ZDHHC13: variants seen among roughly 807,000 people sequenced by gnomAD.
The protein encoded by ZDHHC13 is zDHHC palmitoyltransferase 13.
Under a neutral mutation model 86.0 loss-of-function variants are expected in ZDHHC13, and 85 were observed. That is an observed-to-expected ratio of 0.99 (90% confidence interval 0.83 to 1.18). The LOEUF (loss-of-function observed/expected upper bound fraction) is 1.18. Among genes scored for constraint, ZDHHC13 ranks in the 50% most tolerant of loss-of-function variants. ZDHHC13 has a pLI of 0.00. For missense variants in ZDHHC13, 711 were observed against 730.2 expected, an observed-to-expected ratio of 0.97 and a Z score of 0.30; for synonymous variants, 263 against 246.4, an observed-to-expected ratio of 1.07 and a Z score of -0.63.
At chr11:19,122,139 C>T (rs1179177516) in intron 1 of ZDHHC13, among the ~76,000 whole-genome samples, 5 of 152,198 alleles carry the variant, frequency 3.3e-5, no homozygotes, top group African/African-American at 9.6e-5. Context: ...TAGGAGCTGG[C>T]GGCCAATTTC....
intron 10 of ZDHHC13, among the ~76,000 whole-genome samples, chr11:19,162,339 G>A (rs937957456): frequency 1.3e-5 from 2 of 152,120 alleles, no homozygotes; most frequent in Non-Finnish European, 2.9e-5. Flanking sequence ...TACTGGGAAG[G>A]CTGTGTGTCT....
At chr11:19,135,164 G>A (rs930779385) in intron 1 of ZDHHC13, among the ~76,000 whole-genome samples, 1 of 152,232 alleles carries the variant, frequency 6.6e-6, no homozygotes, top group African/African-American at 2.4e-5. Context: ...GAGGTACCGG[G>A]TTCATCTCAC....
chr11:19,169,040 A>G (rs189223648), intron 14 of ZDHHC13: 2 of 985,508 alleles, frequency 2.0e-6, no homozygotes, highest in East Asian at 1.1e-4. Flanking sequence ...GTTACATTGC[A>G]TAAGATAATG....
chr11:19,143,634 T>C (rs916814409), intron 2 of ZDHHC13, among the ~76,000 whole-genome samples: 6 of 152,206 alleles, frequency 3.9e-5, no homozygotes, highest in Non-Finnish European at 7.3e-5. Context: ...TACGGTAAGG[T>C]AAGGTGGAAA....
At chr11:19,164,497 G>C (rs534670261) in intron 12 of ZDHHC13, 134 bp downstream of exon 12, 2 of 806,170 alleles carry the variant, frequency 2.5e-6, no homozygotes, top group African/African-American at 3.5e-5. Flanking sequence ...TTACATTCCT[G>C]TCTGAACAGC....
In ZDHHC13 at chr11:19,117,760, T is replaced by C. The variant is rs1178370987; in HGVS notation, c.27+484T>C. 1 of 156,124 alleles carries C rather than the reference T, an allele frequency of 6.4e-6. No homozygotes were observed. 9.7% of individuals were successfully genotyped at this position (156,124 alleles called of 1,614,324 possible). The stretch of plus-strand genomic sequence containing the variant: ...TTCGCTCCTGTTTCCGCATCCTTGC[T>C]TACTCCTTGAAATAATTAAGGCTGC... On this transcript the variant is annotated intron_variant, in intron 1 of 16. Transcript: ENST00000446113. This position sits in a 1 kb window ranked among gnomAD's most constrained non-coding sequence, Gnocchi z 4.2.
chr11:19,145,833 G>T (rs745562664), intron 2 of ZDHHC13, among the ~76,000 whole-genome samples: 8 of 152,242 alleles, frequency 5.3e-5, no homozygotes, highest in South Asian at 2.1e-4. Context: ...GCATGGGCTT[G>T]GTTTGATTCA....
intron 1 of ZDHHC13, among the ~76,000 whole-genome samples, chr11:19,131,482 C>G (rs1292535559): frequency 6.6e-6 from 1 of 152,068 alleles, no homozygotes; most frequent in East Asian, 1.9e-4. Flanking sequence ...TCCTTGTCTT[C>G]TGGAACTGCA....
intron 1 of ZDHHC13, among the ~76,000 whole-genome samples, chr11:19,118,109 G>A (rs1231607635): frequency 6.6e-6 from 1 of 152,046 alleles, no homozygotes; most frequent in Non-Finnish European, 1.5e-5. Flanking sequence ...CATGTCAGAT[G>A]CTTTCATATG....
chr11:19,138,534 A>G (rs1849214122), intron 1 of ZDHHC13, among the ~76,000 whole-genome samples: 1 of 152,034 alleles, frequency 6.6e-6, no homozygotes, highest in Non-Finnish European at 1.5e-5. Context: ...GTCAATAGAA[A>G]AAGAGGGAAT....
At chr11:19,131,635 AT>A (rs796670922) in intron 1 of ZDHHC13, among the ~76,000 whole-genome samples, 2,313 of 144,774 alleles carry the variant, frequency 0.016, 63 homozygotes, top group African/African-American at 0.054. Context: ...TTAGAGATTG[AT>A]TTTTTTTTTT....
chr11:19,167,244 T>C (rs1238622186), intron 14 of ZDHHC13: 1 of 152,206 alleles, frequency 6.6e-6, no homozygotes, highest in Admixed American at 6.5e-5. Flanking sequence ...CTTGGTCAAA[T>C]CTTAGACTTT....
intron 13 of ZDHHC13, 126 bp downstream of exon 13, chr11:19,165,271 G>C: frequency 1.2e-6 from 1 of 820,688 alleles, no homozygotes; most frequent in Non-Finnish European, 1.9e-6. Context: ...ATAGCAATGG[G>C]CCCATGCATC....
At chr11:19,144,471 T>G (rs1849404386) in intron 2 of ZDHHC13, among the ~76,000 whole-genome samples, 1 of 147,722 alleles carries the variant, frequency 6.8e-6, no homozygotes, top group Admixed American at 7.0e-5. Context: ...GTGTGTTTTC[T>G]AAACCAGCAA....
intron 1 of ZDHHC13, among the ~76,000 whole-genome samples, chr11:19,140,749 A>T (rs1267766575): frequency 6.6e-6 from 1 of 152,206 alleles, no homozygotes; most frequent in Non-Finnish European, 1.5e-5. Flanking sequence ...AAAAATGATG[A>T]GTTCACGTCC....
intron 1 of ZDHHC13, chr11:19,118,059 A>C (rs951838755): frequency 1.3e-5 from 2 of 152,268 alleles, no homozygotes; most frequent in Admixed American, 1.3e-4. Context: ...GAATAAATGC[A>C]GAATTTCCAG....
chr11:19,170,565 T>C lies in ZDHHC13; in HGVS notation c.1629T>C (p.Phe543=), dbSNP rs776215888. The C allele has an allele frequency of 1.4e-5, 22 of 1,523,030 alleles. No homozygotes were observed. In the East Asian group the frequency reaches 5.2e-4, roughly 36 times the overall value. The allele number at this position is 1,523,030 out of a possible 1,614,324, so 94.3% of individuals were successfully genotyped here. A position where few individuals can be genotyped will look rare whatever the true frequency, so the allele number is the denominator to read the frequency against. ...WSTFLLLNQL[F]QIAFLGLTSH... ...CATTTTTATTATTAAATCAACTCTT[T>C]CAGGTATTTATTTCTCTTCTTATAA... The change falls in exon 15 of 17, where the codon TTT becomes TTC. Residue 543 remains phenylalanine, a synonymous_variant. Transcript: ENST00000446113.
intron 8 of ZDHHC13, among the ~76,000 whole-genome samples, chr11:19,154,254 A>G (rs1239127507): frequency 6.6e-6 from 1 of 152,180 alleles, no homozygotes; most frequent in Non-Finnish European, 1.5e-5. Flanking sequence ...GCCCTCAAGT[A>G]TTTGTTGAAT....
At chr11:19,155,360 C>T (rs763381376) in intron 8 of ZDHHC13, among the ~76,000 whole-genome samples, 10 of 151,962 alleles carry the variant, frequency 6.6e-5, no homozygotes, top group African/African-American at 1.7e-4. Context: ...GCAGGTGGAT[C>T]GCCTGAGGTC....
Sources: gnomAD v4.1 joint callset for allele counts (sites outside exome capture counted in the v4.1 genomes callset) on GRCh38, gnomAD v4.1.1 for gene constraint, Gnocchi (gnomAD v3.1) non-coding constraint, MANE v1.5 for transcripts, NCBI Gene and HGNC (gene_info 2026-07-23, HGNC 2026-07-21) for gene names.